ZNF239: variants seen among roughly 807,000 people sequenced by gnomAD.
The protein encoded by ZNF239 is zinc finger protein 239, also known as zinc finger protein (C2H2) homologous to mouse MOK-2.
ZNF239 carries 16 observed loss-of-function variants against 27.5 expected under a neutral mutation model. That is an observed-to-expected ratio of 0.58 (90% CI 0.39 to 0.88). ZNF239 has a LOEUF of 0.88. Ranked by LOEUF, ZNF239 falls within the 40% of genes least tolerant of loss-of-function variation. The pLI is 0.00. For missense variants in ZNF239, 527 were observed against 551.9 expected (o/e 0.95, Z 0.45); for synonymous variants, 199 against 192.6 (o/e 1.03, Z -0.27).
chr10:43,574,068 G>A (rs1838198248), intron 1 of ZNF239, among the ~76,000 whole-genome samples: 1 of 152,226 alleles, frequency 6.6e-6, no homozygotes, highest in East Asian at 1.9e-4. Flanking sequence ...TCGTTCCTGC[G>A]GTGCGGGGGC....
Position 43,556,397 on chromosome 10 carries a change from A to G in ZNF239, c.*306T>C, listed in dbSNP as rs1453474101. On this transcript the variant is annotated 3_prime_UTR_variant, in exon 4 of 4. Transcript: ENST00000374446. ...TCAGAGAATGTGAACAAAGGGAAAC[A>G]TGCCCTGCTTGAGAATAAATATAAA... 1 of 288,126 alleles carries G rather than the reference A, an allele frequency of 3.5e-6. No individual in the cohort carries two copies. The highest frequency in any genetic ancestry group is 6.5e-5 in the East Asian group (1 of 15,336). 17.8% of individuals were successfully genotyped at this position (288,126 alleles called of 1,614,324 possible). A position where few individuals can be genotyped will look rare whatever the true frequency, so the allele number is the denominator to read the frequency against.
intron 3 of ZNF239, among the ~76,000 whole-genome samples, chr10:43,563,358 C>T (rs1209210191): frequency 6.6e-6 from 1 of 152,014 alleles, no homozygotes; most frequent in Non-Finnish European, 1.5e-5. Flanking sequence ...GAGTGTATAA[C>T]ATTAGGAGAA....
chr10:43,562,084 C>T (rs1837299013), intron 3 of ZNF239, among the ~76,000 whole-genome samples: 1 of 152,102 alleles, frequency 6.6e-6, no homozygotes, highest in Admixed American at 6.5e-5. Context: ...AACATAAATT[C>T]TTGGGAAGCT....
intron 2 of ZNF239, among the ~76,000 whole-genome samples, chr10:43,571,380 G>A (rs554347520): frequency 1.3e-5 from 2 of 151,206 alleles, no homozygotes; most frequent in East Asian, 3.9e-4. Context: ...CTAACTTATT[G>A]AGTTCTCCCA....
chr10:43,565,922 G>A (rs756139325), intron 3 of ZNF239, among the ~76,000 whole-genome samples: 6 of 151,446 alleles, frequency 4.0e-5, no homozygotes, highest in Non-Finnish European at 7.4e-5. Context: ...ATGATTTCAT[G>A]CATGACAAAG....
At chr10:43,572,848 T>C (rs17153908) in intron 2 of ZNF239, among the ~76,000 whole-genome samples, 10,910 of 152,274 alleles carry the variant, frequency 0.072, 1,273 homozygotes, top group African/African-American at 0.25. Flanking sequence ...ATTTAAAATT[T>C]ACTGGAACAG....
In ZNF239 at chr10:43,573,656, T is replaced by C; in HGVS notation, c.-235A>G. On this transcript the variant is annotated 5_prime_UTR_variant, in exon 2 of 4. Coordinates refer to ENST00000374446, the MANE Select transcript of ZNF239 (RefSeq NM_001099282.2). ...ACTCACCCGGACCCTGGTCATTTCT[T>C]ACTCCCAGAGGGGATGGATTCCTGG... 1.0e-6 allele frequency: 1 copy of C among 985,396 alleles called. No individual in the cohort carries two copies. Among genetic ancestry groups the C allele is most frequent in the Non-Finnish European group, 1.2e-6 (1 of 829,920 alleles). The allele number at this position is 985,396 out of a possible 1,614,324, so 61.0% of individuals were successfully genotyped here. A position where few individuals can be genotyped will look rare whatever the true frequency, so the allele number is the denominator to read the frequency against.
intron 3 of ZNF239, among the ~76,000 whole-genome samples, chr10:43,565,282 C>T (rs1029933625): frequency 6.6e-6 from 1 of 152,054 alleles, no homozygotes; most frequent in Non-Finnish European, 1.5e-5. Flanking sequence ...CAGGATTTTG[C>T]CATGTTGGCC....
chr10:43,573,118 A>G (rs1275057416), intron 2 of ZNF239, among the ~76,000 whole-genome samples: 1 of 152,158 alleles, frequency 6.6e-6, no homozygotes, highest in Non-Finnish European at 1.5e-5. Flanking sequence ...GCATTTCTAG[A>G]GTGATTTTGT....
Position 43,557,915 on chromosome 10 carries a change from G to A in ZNF239, c.165C>T (p.Phe55=), listed in dbSNP as rs778354079. 5.6e-6 allele frequency: 9 copies of A among 1,613,960 alleles called. No homozygotes were observed. Among genetic ancestry groups the A allele is most frequent in the East Asian group, 4.5e-5 (2 of 44,896 alleles). ...AATATGTTTCACTTTCAATGTTTTC[G>A]AAACAACCACTTTGAAGAGTCATCA... is the stretch of plus-strand genomic sequence containing the variant. ...DSVMTLQSGC[F]ENIESETYLP... The change falls in exon 4 of 4, where the codon TTC becomes TTT. Residue 55 remains phenylalanine, a synonymous_variant. Coordinates refer to ENST00000374446, the MANE Select transcript of ZNF239 (RefSeq NM_001099282.2).
intron 2 of ZNF239, among the ~76,000 whole-genome samples, chr10:43,573,298 C>A (rs1400632965): frequency 1.3e-5 from 2 of 152,166 alleles, no homozygotes; most frequent in Non-Finnish European, 2.9e-5. Context: ...TTTGCTGAGA[C>A]CACTTAGCAC....
intron 3 of ZNF239, among the ~76,000 whole-genome samples, chr10:43,560,806 G>C (rs1182250304): frequency 1.3e-5 from 2 of 151,982 alleles, no homozygotes; most frequent in Admixed American, 6.6e-5. Context: ...ATATCATGCT[G>C]AGAACACAAG....
At chr10:43,561,762 T>C (rs1004666388) in intron 3 of ZNF239, among the ~76,000 whole-genome samples, 1 of 152,128 alleles carries the variant, frequency 6.6e-6, no homozygotes, top group Non-Finnish European at 1.5e-5. Flanking sequence ...GGTGAGGTGA[T>C]TGCTTGAGCT....
Position 43,556,620 on chromosome 10 carries a change from A to G in ZNF239, c.*83T>C, listed in dbSNP as rs917609745. 3 of 1,482,182 alleles carry G rather than the reference A, an allele frequency of 2.0e-6. No individual in the cohort carries two copies. The highest frequency in any genetic ancestry group is 2.8e-5 in the African/African-American group (2 of 71,284). 91.8% of individuals were successfully genotyped at this position (1,482,182 alleles called of 1,614,324 possible). A position where few individuals can be genotyped will look rare whatever the true frequency, so the allele number is the denominator to read the frequency against. On this transcript the variant is annotated 3_prime_UTR_variant, in exon 4 of 4. Coordinates refer to ENST00000374446, the MANE Select transcript of ZNF239 (RefSeq NM_001099282.2). The stretch of plus-strand genomic sequence containing the variant: ...TAACCCTTACATCTCTCTCCTTTGT[A>G]GAATATAAAGTAAGAGTGATACTAA...
chr10:43,556,920 C>A lies in ZNF239; in HGVS notation c.1160G>T (p.Ser387Ile), dbSNP rs550867483. 1 of 1,613,898 alleles carries A rather than the reference C, an allele frequency of 6.2e-7. No homozygotes were observed. The highest frequency in any genetic ancestry group is 8.5e-7 in the Non-Finnish European group (1 of 1,179,974). ...TCTGAGATGGATGCGAAGATCCGAG[C>A]TCTGGCTGAAACCCTTCCCACACTC... ...CYECGKGFSQ[S>I]SDLRIHLRVH... The change falls in exon 4 of 4, where the codon AGC becomes ATC. Residue 387 changes from serine (S) to isoleucine (I), a missense_variant. By Grantham distance (142) the Ser-to-Ile change is moderately radical (BLOSUM62 -2). Transcript: ENST00000374446.
At position 43,557,366 on chromosome 10, in the gene ZNF239, C is replaced by T. The variant is rs942538279; in HGVS notation, c.714G>A (p.Glu238=). 1.2e-6 allele frequency: 2 copies of T among 1,614,084 alleles called. No homozygotes were observed. The highest frequency in any genetic ancestry group is 1.7e-6 in the Non-Finnish European group (2 of 1,180,042). Residue 238 remains glutamate (E), a synonymous_variant, in exon 4 of 4, where the codon GAG becomes GAA. Coordinates refer to ENST00000374446, the MANE Select transcript of ZNF239 (RefSeq NM_001099282.2). ...TCCTTGTGAAGCCCTTCCCACATTG[C>T]TCACATTTGTAGGGTTTTTCTTCTG... The part of the protein sequence containing the change: ...DHTEEKPYKC[E]QCGKGFTRSS...
At chr10:43,561,650 A>G (rs961876591) in intron 3 of ZNF239, among the ~76,000 whole-genome samples, 1 of 152,178 alleles carries the variant, frequency 6.6e-6, no homozygotes. Context: ...GAAAAAGGAT[A>G]CATGCTGCAA....
chr10:43,560,761 A>G (rs900616817), intron 3 of ZNF239, among the ~76,000 whole-genome samples: 3 of 152,002 alleles, frequency 2.0e-5, no homozygotes, highest in Non-Finnish European at 4.4e-5. Flanking sequence ...TATGCATGCC[A>G]AAGTGGGTCA....
intron 3 of ZNF239, among the ~76,000 whole-genome samples, chr10:43,563,328 G>GA (rs1373782735): frequency 4.0e-5 from 6 of 150,258 alleles, no homozygotes; most frequent in Non-Finnish European, 7.4e-5. Context: ...AGAAGAAGAA[G>GA]AAAAAAAAAT....
Sources: gnomAD v4.1 joint callset for allele counts (sites outside exome capture counted in the v4.1 genomes callset) on GRCh38, gnomAD v4.1.1 for gene constraint, MANE v1.5 for transcripts, NCBI Gene and HGNC (gene_info 2026-07-23, HGNC 2026-07-21) for gene names.